FNIP1: variants seen among roughly 807,000 people sequenced by gnomAD.
FNIP1 encodes folliculin interacting protein 1, also known as folliculin-interacting protein 1.
In FNIP1, 40 loss-of-function variants were observed where a neutral mutation model predicts 124.5. The ratio of observed to expected loss-of-function variants is 0.32; its 90% CI spans 0.25 to 0.42. FNIP1 has a LOEUF of 0.42. FNIP1 is among the 10% of genes least tolerant of loss of function. FNIP1 has a pLI of 1.00. For synonymous variants in FNIP1, 472 were observed against 470.6 expected (o/e 1.00, Z -0.04); for missense variants, 1,176 against 1,403.7 (o/e 0.84, Z 2.59).
At chr5:131,734,882 A>G (rs543890835) in intron 2 of FNIP1, among the ~76,000 whole-genome samples, 3 of 152,350 alleles carry the variant, frequency 2.0e-5, no homozygotes, top group African/African-American at 4.8e-5. Context: ...TAGTTCAACC[A>G]TTGTGGAAGA....
chr5:131,655,112 A>G (rs1219929937), intron 15 of FNIP1, among the ~76,000 whole-genome samples: 1 of 152,250 alleles, frequency 6.6e-6, no homozygotes. Context: ...ATATATGGGT[A>G]AAGTTTTTGG....
chr5:131,728,081 C>A (rs1769947671), intron 3 of FNIP1, among the ~76,000 whole-genome samples: 1 of 152,264 alleles, frequency 6.6e-6, no homozygotes, highest in African/African-American at 2.4e-5. Context: ...TGTGTATAAC[C>A]CAATGTTTCT....
intron 1 of FNIP1, among the ~76,000 whole-genome samples, chr5:131,764,963 C>A (rs1771370068): frequency 6.6e-6 from 1 of 152,036 alleles, no homozygotes. Flanking sequence ...TGGCTCACAC[C>A]TGTAATTCCA....
intron 2 of FNIP1, among the ~76,000 whole-genome samples, chr5:131,743,620 G>A (rs948212118): frequency 2.0e-5 from 3 of 152,108 alleles, no homozygotes; most frequent in African/African-American, 7.2e-5. Context: ...CCCACCATGC[G>A]ATATTAGGAG....
chr5:131,713,077 GA>G, intron 6 of FNIP1, among the ~76,000 whole-genome samples: 1 of 150,302 alleles, frequency 6.7e-6, no homozygotes, highest in African/African-American at 2.4e-5. Context: ...TTTTTTTTGA[GA>G]CGGAGTCTCG....
At chr5:131,686,020 G>A (rs1250897853) in intron 11 of FNIP1, among the ~76,000 whole-genome samples, 1 of 152,126 alleles carries the variant, frequency 6.6e-6, no homozygotes, top group Non-Finnish European at 1.5e-5. Flanking sequence ...TGGGCTACAA[G>A]GGAATGTATA....
chr5:131,683,135 AAAT>A (rs1313672236), intron 11 of FNIP1, among the ~76,000 whole-genome samples: 1 of 152,224 alleles, frequency 6.6e-6, no homozygotes, highest in Non-Finnish European at 1.5e-5. Context: ...TGTTAATTTT[AAAT>A]AATCCCTTAA....
intron 2 of FNIP1, among the ~76,000 whole-genome samples, chr5:131,735,240 A>G (rs1770248795): frequency 5.3e-5 from 8 of 152,108 alleles, no homozygotes; most frequent in Admixed American, 5.2e-4. Context: ...GTTCTCACTC[A>G]TAGGTAGGAA....
intron 15 of FNIP1, among the ~76,000 whole-genome samples, chr5:131,663,169 A>T (rs1767495071): frequency 6.6e-6 from 1 of 152,250 alleles, no homozygotes; most frequent in Non-Finnish European, 1.5e-5. Flanking sequence ...TAGTAAAAGG[A>T]TTCAGAAGTC....
At position 131,762,811 on chromosome 5, in the gene FNIP1, A is replaced by C. The variant is rs192990489; in HGVS notation, c.93-18121T>G. Among the ~76,000 whole-genome samples, 406 of 152,372 alleles carry C rather than the reference A, an allele frequency of 2.7e-3. 3 individuals are homozygous for C. Among genetic ancestry groups the C allele is most frequent in the Non-Finnish European group, 4.9e-3 (331 of 68,034 alleles). The stretch of plus-strand genomic sequence containing the variant: ...AACGTCCATCAACAGATGGATAAAG[A>C]AAATGTGGTACTTATACACAATGGA... On this transcript the variant is annotated intron_variant, in intron 1 of 17. Transcript: ENST00000510461.
intron 6 of FNIP1, among the ~76,000 whole-genome samples, chr5:131,715,681 C>T (rs1199727016): frequency 6.6e-6 from 1 of 152,024 alleles, no homozygotes; most frequent in African/African-American, 2.4e-5. Context: ...AACACACACA[C>T]ATTATAAAGT....
chr5:131,714,501 T>C (rs1163733188), intron 6 of FNIP1, among the ~76,000 whole-genome samples: 1 of 152,216 alleles, frequency 6.6e-6, no homozygotes, highest in Non-Finnish European at 1.5e-5. Flanking sequence ...TAACTCTAAA[T>C]TCCTCAGTGT....
At chr5:131,762,778 C>T (rs1289134840) in intron 1 of FNIP1, among the ~76,000 whole-genome samples, 1 of 152,024 alleles carries the variant, frequency 6.6e-6, no homozygotes, top group Non-Finnish European at 1.5e-5. Context: ...TCAGTGGGAA[C>T]CAACCTAAAC....
intron 3 of FNIP1, among the ~76,000 whole-genome samples, chr5:131,719,969 A>G (rs1769602641): frequency 1.3e-5 from 2 of 152,214 alleles, no homozygotes; most frequent in Admixed American, 1.3e-4. Flanking sequence ...TTTTTTACAA[A>G]AACAGAAAAA....
chr5:131,717,740 A>G (rs933990491), intron 5 of FNIP1, among the ~76,000 whole-genome samples: 1 of 152,186 alleles, frequency 6.6e-6, no homozygotes, highest in African/African-American at 2.4e-5. Context: ...AACTTAGAAA[A>G]GGTGAAAAAA....
At chr5:131,700,848 T>C (rs988544043) in intron 10 of FNIP1, among the ~76,000 whole-genome samples, 1 of 152,222 alleles carries the variant, frequency 6.6e-6, no homozygotes, top group Admixed American at 6.5e-5. Flanking sequence ...AAGTAACTAC[T>C]ATAGAACTTT....
intron 3 of FNIP1, among the ~76,000 whole-genome samples, chr5:131,728,854 G>C (rs1286610525): frequency 3.3e-5 from 5 of 152,134 alleles, no homozygotes. Flanking sequence ...GTGACCTTTG[G>C]ATGGGGTTTT....
intron 11 of FNIP1, among the ~76,000 whole-genome samples, chr5:131,682,213 A>G (rs1768110789): frequency 6.6e-6 from 1 of 152,234 alleles, no homozygotes; most frequent in African/African-American, 2.4e-5. Flanking sequence ...CGTCTACTAT[A>G]AGTCCATGTG....
Position 131,765,408 on chromosome 5 carries a change from G to C in FNIP1, c.93-20718C>G, listed in dbSNP as rs191073607. Among the ~76,000 whole-genome samples, 3 of 152,160 alleles carry C rather than the reference G, an allele frequency of 2.0e-5. No individual in the cohort carries two copies. The East Asian group carries it at 5.8e-4, about 29-fold the overall frequency. Reference sequence around the variant, plus strand: ...ATGCATCATAAACTGTTTTCTTTCAGTGAATGTAAGTGTTTGATGGAAAAT... The same window carrying C: ...ATGCATCATAAACTGTTTTCTTTCACTGAATGTAAGTGTTTGATGGAAAAT... On this transcript the variant is annotated intron_variant, in intron 1 of 17. Transcript: ENST00000510461.
Sources: allele counts gnomAD v4.1 joint callset (sites outside exome capture counted in the v4.1 genomes callset), GRCh38; gene constraint gnomAD v4.1.1; transcripts MANE v1.5; gene names NCBI Gene and HGNC (gene_info 2026-07-23, HGNC 2026-07-21).